Variants in FGGY observed in about 807,000 individuals in gnomAD.
FGGY encodes FGGY carbohydrate kinase domain-containing protein.
A neutral mutation model predicts 71.3 loss-of-function variants in FGGY; 72 were observed. That is an observed-to-expected ratio of 1.01 (90% CI 0.84 to 1.23). FGGY has a LOEUF of 1.23. FGGY is among the 50% of genes most tolerant of loss of function. The pLI is 0.00. For missense variants in FGGY, 668 were observed against 682.3 expected, an observed-to-expected ratio of 0.98 and a Z score of 0.23; for synonymous variants, 251 against 250.3, an observed-to-expected ratio of 1.00 and a Z score of -0.02.
chr1:59,460,664 C>T (rs1380426400), intron 6 of FGGY, among the ~76,000 whole-genome samples: 3 of 152,218 alleles, frequency 2.0e-5, no homozygotes, highest in East Asian at 3.9e-4. Flanking sequence ...GGCCGACTGA[C>T]ATCTCATACA....
intron 14 of FGGY, among the ~76,000 whole-genome samples, chr1:59,711,261 G>T (rs1175676938): frequency 6.6e-6 from 1 of 152,040 alleles, no homozygotes; most frequent in Non-Finnish European, 1.5e-5. Flanking sequence ...TGGGCACAGG[G>T]AGGGGAACAT....
intron 7 of FGGY, among the ~76,000 whole-genome samples, chr1:59,525,252 C>T (rs1039577011): frequency 2.6e-5 from 4 of 152,236 alleles, no homozygotes; most frequent in African/African-American, 7.2e-5. Context: ...ACACCCCTCA[C>T]TGCTCCACGC....
chr1:59,441,455 T>A (rs745455616), intron 5 of FGGY, among the ~76,000 whole-genome samples: 5 of 152,220 alleles, frequency 3.3e-5, no homozygotes, highest in Non-Finnish European at 7.3e-5. Flanking sequence ...GCTATCAAAT[T>A]AGCTGACAAC....
chr1:59,693,598 T>A (rs1363784779), intron 14 of FGGY, among the ~76,000 whole-genome samples: 3 of 151,692 alleles, frequency 2.0e-5, no homozygotes, highest in Non-Finnish European at 4.4e-5. Context: ...TATACGTGCA[T>A]AGAACTGTGA....
In FGGY at chr1:59,318,283, A is replaced by G. The variant is rs145180556; in HGVS notation, c.-14-3253A>G. 1.6e-3 allele frequency among the ~76,000 whole-genome samples: 244 copies of G among 152,304 alleles called. 1 individual carries two copies. Among genetic ancestry groups the G allele is most frequent in the African/African-American group, 5.7e-3 (236 of 41,548 alleles). On this transcript the variant is annotated intron_variant, in intron 1 of 15. Transcript: ENST00000303721. ...ATATCAGATATGTGGTAAACATGGT[A>G]CCTTTTTTTATTTCCCCAGTGATGA...
At chr1:59,369,290 C>T (rs557317360) in intron 4 of FGGY, among the ~76,000 whole-genome samples, 2 of 152,300 alleles carry the variant, frequency 1.3e-5, no homozygotes, top group Admixed American at 6.5e-5. Context: ...GGTCGTACGC[C>T]CACGGAGTCT....
At chr1:59,515,520 G>A (rs2094621075) in intron 7 of FGGY, among the ~76,000 whole-genome samples, 2 of 152,108 alleles carry the variant, frequency 1.3e-5, no homozygotes, top group Admixed American at 1.3e-4. Context: ...GCCAGGGGCG[G>A]AATGATAATG....
intron 14 of FGGY, among the ~76,000 whole-genome samples, chr1:59,724,620 C>T (rs527451511): frequency 6.6e-6 from 1 of 152,232 alleles, no homozygotes; most frequent in Non-Finnish European, 1.5e-5. Context: ...TGGAATCTTG[C>T]TCCACATACT....
rs900523054 is a variant in FGGY at position 59,339,827 on chromosome 1, C to T, written c.202-131C>T. 8.4e-6 allele frequency: 5 copies of T among 592,326 alleles called. No individual in the cohort carries two copies. In the African/African-American group the frequency reaches 9.4e-5, roughly 11 times the overall value. 36.7% of individuals were successfully genotyped at this position (592,326 alleles called of 1,614,324 possible). Reference sequence around the variant, plus strand: ...AGGATCTTTTGGGATTATAGTGATACTAAATTTTTATCTGTTTTATGTTGT... The same window carrying T: ...AGGATCTTTTGGGATTATAGTGATATTAAATTTTTATCTGTTTTATGTTGT... On this transcript the variant is annotated intron_variant, in intron 2 of 15. Coordinates refer to ENST00000303721, the MANE Select transcript of FGGY (RefSeq NM_018291.5).
At chr1:59,550,124 G>C (rs1220568699) in intron 7 of FGGY, among the ~76,000 whole-genome samples, 1 of 152,126 alleles carries the variant, frequency 6.6e-6, no homozygotes, top group Non-Finnish European at 1.5e-5. Context: ...TTCTTCATCT[G>C]CTAATTTTTC....
chr1:59,356,840 A>G (rs1169147870), intron 4 of FGGY, among the ~76,000 whole-genome samples: 1 of 152,144 alleles, frequency 6.6e-6, no homozygotes, highest in Non-Finnish European at 1.5e-5. Flanking sequence ...CTTATTTTGT[A>G]TGCAAAGTGA....
chr1:59,555,164 T>C (rs1035882201), intron 8 of FGGY, among the ~76,000 whole-genome samples: 1 of 152,188 alleles, frequency 6.6e-6, no homozygotes, highest in African/African-American at 2.4e-5. Context: ...AAGAATGACA[T>C]CGGCTCAGTG....
intron 6 of FGGY, among the ~76,000 whole-genome samples, chr1:59,475,173 A>C (rs1558055705): frequency 6.6e-6 from 1 of 152,182 alleles, no homozygotes; most frequent in Non-Finnish European, 1.5e-5. Flanking sequence ...TTGGATTCAC[A>C]CAACCTTTTT....
Position 59,330,622 on chromosome 1 carries a change from T to C in FGGY, c.201+8872T>C, listed in dbSNP as rs563718287. On this transcript the variant is annotated intron_variant, in intron 2 of 15. Transcript: ENST00000303721. ...TGGAGACCTCCCTACTTCTACCCAC[T>C]GGAGAAAACTTGAGAAAGGATGTAG... is the stretch of plus-strand genomic sequence containing the variant. Among the ~76,000 whole-genome samples, 13 of 150,574 alleles carry C rather than the reference T, an allele frequency of 8.6e-5. No individual in the cohort carries two copies. In the South Asian group the frequency reaches 2.5e-3, roughly 29 times the overall value.
chr1:59,546,529 G>GATTATTATTATT (rs1491122158), intron 7 of FGGY, among the ~76,000 whole-genome samples: 56 of 91,676 alleles, frequency 6.1e-4, no homozygotes, highest in African/African-American at 2.8e-3. Context: ...TGATGATGAT[G>GATTATTATTATT]ATGATGATTA....
At chr1:59,360,123 C>CATTATTATT (rs1317144695) in intron 4 of FGGY, among the ~76,000 whole-genome samples, 1 of 101,834 alleles carries the variant, frequency 9.8e-6, no homozygotes, top group African/African-American at 4.1e-5. Context: ...ATTTTTCTAT[C>CATTATTATT]ATTGTTATTA....
chr1:59,331,307 G>A (rs2048429742), intron 2 of FGGY, among the ~76,000 whole-genome samples: 1 of 152,158 alleles, frequency 6.6e-6, no homozygotes, highest in South Asian at 2.1e-4. Context: ...AAGCTGGGAT[G>A]CTACGTAGGT....
chr1:59,478,164 C>T (rs2093340871), intron 6 of FGGY, among the ~76,000 whole-genome samples: 1 of 152,172 alleles, frequency 6.6e-6, no homozygotes, highest in Admixed American at 6.5e-5. Flanking sequence ...CCTCTCAATG[C>T]AGGCCTCGTG....
chr1:59,645,680 C>T (rs1374001513), intron 11 of FGGY, among the ~76,000 whole-genome samples: 1 of 152,170 alleles, frequency 6.6e-6, no homozygotes, highest in African/African-American at 2.4e-5. Context: ...TTGGCGTGGC[C>T]TTTGTTTTGT....
Sources: gnomAD v4.1 joint callset for allele counts (sites outside exome capture counted in the v4.1 genomes callset) on GRCh38, gnomAD v4.1.1 for gene constraint, MANE v1.5 for transcripts, NCBI Gene and HGNC (gene_info 2026-07-23, HGNC 2026-07-21) for gene names.